The following SLC1A7 variants were observed in gnomAD, a reference collection of about 807,000 sequenced individuals.
SLC1A7 encodes the protein excitatory amino acid transporter 5.
Under a neutral mutation model 47.7 loss-of-function variants are expected in SLC1A7, and 40 were observed. The ratio of observed to expected loss-of-function variants is 0.84; its 90% CI spans 0.65 to 1.09. The LOEUF is 1.09. SLC1A7 is among the 50% of genes least tolerant of loss of function. The pLI, the probability that SLC1A7 is intolerant of heterozygous loss-of-function variation, is 0.00. For missense variants in SLC1A7, 746 were observed against 769.5 expected (o/e 0.97, Z 0.36); for synonymous variants, 323 against 325.6 (o/e 0.99, Z 0.09).
At chr1:53,100,263 C>T (rs904434972) in intron 5 of SLC1A7, among the ~76,000 whole-genome samples, 2 of 151,484 alleles carry the variant, frequency 1.3e-5, no homozygotes, top group East Asian at 1.9e-4. Flanking sequence ...CACGCACCGC[C>T]TCGGTACACT....
In SLC1A7 at chr1:53,089,839, G is replaced by A. The variant is rs1481112695; in HGVS notation, c.1322C>T (p.Thr441Ile). 18 of 1,613,866 alleles carry A rather than the reference G, an allele frequency of 1.1e-5. No homozygotes were observed. The highest frequency in any genetic ancestry group is 1.5e-5 in the Non-Finnish European group (18 of 1,180,006). Residue 441 changes from threonine to isoleucine, a missense_variant, in exon 9 of 11, where the codon ACC becomes ATC. Transcript: ENST00000371494. ...GGCAATGATGAGGGTGATGTCATCG[G>A]TGGGCAGTCCCACGGAGGTGAGCAC... ...VIVLTSVGLP[T>I]DDITLIIAVD...
intron 5 of SLC1A7, among the ~76,000 whole-genome samples, chr1:53,099,678 C>T (rs1644549238): frequency 8.4e-6 from 1 of 119,538 alleles, no homozygotes; most frequent in South Asian, 2.8e-4. Flanking sequence ...TGCCTCAGTA[C>T]ACTCACACTG....
In SLC1A7 at chr1:53,142,339, CAAG is replaced by C. The variant is rs761087505; in HGVS notation, c.108_110del (p.Phe36del). 6.4e-7 allele frequency: 1 copy of C among 1,569,114 alleles called. No homozygotes were observed. Among genetic ancestry groups the C allele is most frequent in the Non-Finnish European group, 8.6e-7 (1 of 1,156,362 alleles). On this transcript the variant is annotated inframe_deletion, in exon 1 of 11. Coordinates refer to ENST00000371494, the MANE Select transcript of SLC1A7 (RefSeq NM_006671.6). ...CCTGTGGTGAGAGGCGCCGGGTCCTCAAGAAGAAGCCGAGGAGGCAGCCCACGA... is the reference window on the plus strand; with the variant it reads ...CCTGTGGTGAGAGGCGCCGGGTCCTCAAGAAGCCGAGGAGGCAGCCCACGA...
chr1:53,114,002 T>C (rs924688959), intron 3 of SLC1A7, among the ~76,000 whole-genome samples: 5 of 152,048 alleles, frequency 3.3e-5, no homozygotes, highest in African/African-American at 7.2e-5. Context: ...AGCTTCCCCA[T>C]TGCAGCCCCA....
rs1269879197 is a variant in SLC1A7, at chr1:53,110,785, G to C, written c.431+3973C>G. Reference sequence around the variant, plus strand: ...CTCCTAGTTCTCCTCCTGCCTCTCTGCTTGCCCCTGCTCTGTTTGCTGTGC... The same window carrying C: ...CTCCTAGTTCTCCTCCTGCCTCTCTCCTTGCCCCTGCTCTGTTTGCTGTGC... On this transcript the variant is annotated intron_variant, in intron 3 of 10. Transcript: ENST00000371494. Among the ~76,000 whole-genome samples the C allele has an allele frequency of 3.3e-5, 5 of 152,018 alleles. No homozygotes were observed. In the East Asian group the frequency reaches 9.7e-4, roughly 29 times the overall value.
intron 2 of SLC1A7, among the ~76,000 whole-genome samples, chr1:53,130,509 G>A (rs1286461908): frequency 6.2e-5 from 2 of 32,320 alleles, no homozygotes; most frequent in East Asian, 1.0e-3. Context: ...CCACTCCCCC[G>A]CTACTGCCCT....
chr1:53,106,354 A>G (rs1644640283), intron 3 of SLC1A7, among the ~76,000 whole-genome samples: 1 of 151,978 alleles, frequency 6.6e-6, no homozygotes, highest in Non-Finnish European at 1.5e-5. Flanking sequence ...ACGGTGGCTC[A>G]CGCCTGTAAT....
chr1:53,123,521 C>A (rs1644848200), intron 2 of SLC1A7, among the ~76,000 whole-genome samples: 1 of 152,220 alleles, frequency 6.6e-6, no homozygotes, highest in Non-Finnish European at 1.5e-5. Context: ...CTGTGTTCTT[C>A]CTGGTGCTCT....
chr1:53,139,448 A>G (rs891842465), intron 1 of SLC1A7, among the ~76,000 whole-genome samples: 6 of 152,228 alleles, frequency 3.9e-5, no homozygotes, highest in Non-Finnish European at 8.8e-5. Context: ...GGGGTGGCCC[A>G]ATACCCTCAA....
chr1:53,136,671 T>A (rs1170620796), intron 1 of SLC1A7, among the ~76,000 whole-genome samples: 8,978 of 124,746 alleles, frequency 0.072, 431 homozygotes, highest in Non-Finnish European at 0.086. Context: ...TATATATTTT[T>A]TTTTTTTTTT....
At chr1:53,091,566 G>A (rs1055936296) in intron 7 of SLC1A7, among the ~76,000 whole-genome samples, 4 of 152,282 alleles carry the variant, frequency 2.6e-5, no homozygotes, top group South Asian at 4.1e-4. Flanking sequence ...CCCTATCTGC[G>A]GGAGGGTGTT....
At chr1:53,108,690 C>T (rs1251946724) in intron 3 of SLC1A7, 20 of 716,886 alleles carry the variant, frequency 2.8e-5, no homozygotes, top group Non-Finnish European at 2.9e-5. Flanking sequence ...CCATGAGACT[C>T]AGATGAAAGC....
At chr1:53,088,800 T>C in intron 10 of SLC1A7, 77 bp downstream of exon 10, 1 of 1,097,866 alleles carries the variant, frequency 9.1e-7, no homozygotes, top group South Asian at 1.4e-5. Context: ...GCCGAGCTGG[T>C]TGGTGGAAGA....
At chr1:53,116,276 T>C (rs1167657109) in intron 2 of SLC1A7, 2 of 152,374 alleles carry the variant, frequency 1.3e-5, no homozygotes, top group Admixed American at 6.5e-5. Flanking sequence ...AAGCCGTCTC[T>C]GACCACCAGG....
At chr1:53,092,434 G>T in intron 7 of SLC1A7, 120 bp downstream of exon 7, 1 of 743,232 alleles carries the variant, frequency 1.3e-6, no homozygotes. Flanking sequence ...CCCCGCATTT[G>T]TGAGGTGGGC....
intron 5 of SLC1A7, among the ~76,000 whole-genome samples, chr1:53,098,136 C>T (rs1032210340): frequency 2.0e-5 from 3 of 150,034 alleles, no homozygotes; most frequent in Non-Finnish European, 4.4e-5. Context: ...TCAGTACACA[C>T]ACCACGTCTT....
rs767740645 is a variant in SLC1A7 at position 53,114,934 on chromosome 1, A to G, written c.255T>C (p.Ser85=). The change falls in exon 3 of 11, where the codon TCT becomes TCC. Residue 85 remains serine, a synonymous_variant. Transcript: ENST00000371494. ...SGLASLDAKT[S]SRLGVLTVAY... is the part of the protein sequence containing the mutation. ...CCACGGTGAGGACGCCCAGGCGGCT[A>G]GAGGTCTTGGCATCCAGGGAGGCAA... 3.1e-6 allele frequency: 5 copies of G among 1,614,120 alleles called. No individual in the cohort carries two copies. The South Asian group carries it at 5.5e-5, about 18-fold the overall frequency.
chr1:53,103,656 C>T, intron 4 of SLC1A7, 88 bp from the exon 5 acceptor site: 1 of 702,018 alleles, frequency 1.4e-6, no homozygotes, highest in Non-Finnish European at 2.3e-6. Context: ...CTTGAAGGCA[C>T]ATTTGTATCC....
At chr1:53,106,599 CA>C (rs5774135) in intron 3 of SLC1A7, among the ~76,000 whole-genome samples, 4,696 of 137,442 alleles carry the variant, frequency 0.034, 220 homozygotes, top group African/African-American at 0.12. Context: ...GACACCGTCT[CA>C]AAAAAAAAAA....
Sources: allele counts gnomAD v4.1 joint callset (sites outside exome capture counted in the v4.1 genomes callset), GRCh38; gene constraint gnomAD v4.1.1; transcripts MANE v1.5; gene names NCBI Gene and HGNC (gene_info 2026-07-23, HGNC 2026-07-21).